The following GNAQ variants were observed in gnomAD, a reference collection of about 807,000 sequenced individuals.
The protein encoded by GNAQ is guanine nucleotide-binding protein G(q) subunit alpha.
In GNAQ, 8 loss-of-function variants were observed where a neutral mutation model predicts 43.9. The ratio of observed to expected loss-of-function variants is 0.18; its 90% confidence interval spans 0.11 to 0.33. The LOEUF (loss-of-function observed/expected upper bound fraction) is 0.33. Ranked by LOEUF, GNAQ falls within the 10% of genes least tolerant of loss-of-function variation. The pLI, the probability that GNAQ is intolerant of heterozygous loss-of-function variation, is 1.00. For missense variants in GNAQ, 158 were observed against 450.8 expected (o/e 0.35, Z 5.88); for synonymous variants, 155 against 170.7 (o/e 0.91, Z 0.71).
intron 5 of GNAQ, among the ~76,000 whole-genome samples, chr9:77,757,889 C>T (rs1029216108): frequency 1.3e-5 from 2 of 152,178 alleles, no homozygotes; most frequent in Non-Finnish European, 2.9e-5. Flanking sequence ...AATTTAACTC[C>T]TCCCTAACAT....
intron 1 of GNAQ, among the ~76,000 whole-genome samples, chr9:78,019,815 T>G (rs1823884511): frequency 6.6e-6 from 1 of 150,922 alleles, no homozygotes; most frequent in Non-Finnish European, 1.5e-5. Flanking sequence ...TCCCAGCTAC[T>G]TGGGAGGCTG....
At chr9:77,754,229 C>A (rs146066013) in intron 5 of GNAQ, among the ~76,000 whole-genome samples, 34 of 152,222 alleles carry the variant, frequency 2.2e-4, no homozygotes, top group Non-Finnish European at 4.6e-4. Context: ...AGCACCTGTA[C>A]TTAACTGCTA....
intron 3 of GNAQ, among the ~76,000 whole-genome samples, chr9:77,810,958 G>C (rs1255329659): frequency 6.6e-6 from 1 of 152,176 alleles, no homozygotes; most frequent in African/African-American, 2.4e-5. Context: ...GTTCATCAGA[G>C]AGAAAAGAAG....
At chr9:77,981,036 T>C (rs1823361816) in intron 1 of GNAQ, among the ~76,000 whole-genome samples, 1 of 152,206 alleles carries the variant, frequency 6.6e-6, no homozygotes, top group African/African-American at 2.4e-5. Flanking sequence ...CTTACAAAAA[T>C]AGCTTCTATT....
At chr9:77,877,863 C>T (rs1828148909) in intron 2 of GNAQ, among the ~76,000 whole-genome samples, 1 of 152,164 alleles carries the variant, frequency 6.6e-6, no homozygotes, top group Non-Finnish European at 1.5e-5. Flanking sequence ...CTAGTACCTC[C>T]AACAAGTTTG....
At chr9:77,967,414 T>C (rs1324606287) in intron 1 of GNAQ, among the ~76,000 whole-genome samples, 2 of 152,144 alleles carry the variant, frequency 1.3e-5, no homozygotes, top group African/African-American at 4.8e-5. Flanking sequence ...AGATTTCGGG[T>C]CCAGCTTTCT....
At chr9:77,933,404 GC>G (rs1382991068) in intron 1 of GNAQ, among the ~76,000 whole-genome samples, 2 of 152,170 alleles carry the variant, frequency 1.3e-5, no homozygotes, top group Non-Finnish European at 2.9e-5. Flanking sequence ...GGCGGCTCAT[GC>G]CTATAATCCC....
chr9:77,844,373 C>G (rs1827545279), intron 2 of GNAQ, among the ~76,000 whole-genome samples: 1 of 152,140 alleles, frequency 6.6e-6, no homozygotes, highest in Admixed American at 6.5e-5. Context: ...AAAATCATGT[C>G]TAGAAATGAA....
chr9:77,943,914 A>ACC (rs1201945206), intron 1 of GNAQ, among the ~76,000 whole-genome samples: 1 of 151,988 alleles, frequency 6.6e-6, no homozygotes, highest in Non-Finnish European at 1.5e-5. Context: ...TGATCCACCC[A>ACC]CCTCAGCCTC....
chr9:77,786,804 T>C (rs1826488501), intron 5 of GNAQ, among the ~76,000 whole-genome samples: 2 of 152,222 alleles, frequency 1.3e-5, no homozygotes, highest in Non-Finnish European at 2.9e-5. Context: ...ATGCTTACTC[T>C]ATGTGCTTGT....
chr9:77,744,716 T>G (rs1305516417), intron 5 of GNAQ, among the ~76,000 whole-genome samples: 1 of 152,172 alleles, frequency 6.6e-6, no homozygotes, highest in Non-Finnish European at 1.5e-5. Context: ...CATCTTGCTG[T>G]ATGCTACTAT....
At chr9:77,763,551 G>A (rs904818388) in intron 5 of GNAQ, among the ~76,000 whole-genome samples, 31 of 152,288 alleles carry the variant, frequency 2.0e-4, no homozygotes, top group African/African-American at 5.8e-4. Flanking sequence ...TGCCATTTGC[G>A]ATTTTGCTAA....
chr9:77,865,320 G>C (rs1827930135), intron 2 of GNAQ, among the ~76,000 whole-genome samples: 1 of 152,170 alleles, frequency 6.6e-6, no homozygotes, highest in Non-Finnish European at 1.5e-5. Context: ...TGGGAATAAA[G>C]AGTCATTTTT....
chr9:77,972,914 T>C (rs1224865511), intron 1 of GNAQ, among the ~76,000 whole-genome samples: 1 of 149,004 alleles, frequency 6.7e-6, no homozygotes, highest in African/African-American at 2.5e-5. Context: ...GATCGTACCA[T>C]TGTACTCCAG....
chr9:77,796,094 T>C (rs1365801426), intron 4 of GNAQ, among the ~76,000 whole-genome samples: 2 of 152,224 alleles, frequency 1.3e-5, no homozygotes, highest in Non-Finnish European at 2.9e-5. Context: ...TAATATAGAA[T>C]GCTGGAGCTA....
At chr9:77,761,171 T>C (rs944536787) in intron 5 of GNAQ, among the ~76,000 whole-genome samples, 1 of 108,712 alleles carries the variant, frequency 9.2e-6, no homozygotes, top group African/African-American at 3.6e-5. Flanking sequence ...GGTGGGGGGG[T>C]CAGCCTCCCG....
chr9:77,996,079 C>T (rs1823563843), intron 1 of GNAQ, among the ~76,000 whole-genome samples: 1 of 152,094 alleles, frequency 6.6e-6, no homozygotes, highest in African/African-American at 2.4e-5. Context: ...GGAACCCACA[C>T]AAAACGGCAC....
chr9:77,981,949 G>T (rs767631530), intron 1 of GNAQ, among the ~76,000 whole-genome samples: 4 of 152,122 alleles, frequency 2.6e-5, no homozygotes, highest in African/African-American at 4.8e-5. Context: ...ACAATTAACT[G>T]ACTTGATAGA....
chr9:77,746,802 GA>G (rs150641750), intron 5 of GNAQ, among the ~76,000 whole-genome samples: 1 of 151,916 alleles, frequency 6.6e-6, no homozygotes, highest in Non-Finnish European at 1.5e-5. Context: ...GACAAATCAA[GA>G]AAAAAAGAGT....
Sources: allele counts gnomAD v4.1 joint callset (sites outside exome capture counted in the v4.1 genomes callset), GRCh38; gene constraint gnomAD v4.1.1; transcripts MANE v1.5; gene names NCBI Gene and HGNC (gene_info 2026-07-23, HGNC 2026-07-21).